Variants in ACOX1 observed in about 807,000 individuals in gnomAD.
The protein encoded by ACOX1 is acyl-CoA oxidase 1.
ACOX1 carries 41 observed loss-of-function variants against 75.5 expected under a neutral mutation model. The observed-to-expected ratio is 0.54, with a 90% confidence interval of 0.42 to 0.70. ACOX1 has a LOEUF of 0.70. Among genes scored for constraint, ACOX1 ranks in the 30% least tolerant of loss-of-function variants. ACOX1 has a pLI of 0.00. For missense variants in ACOX1, 630 were observed against 837.5 expected, an observed-to-expected ratio of 0.75 and a Z score of 3.06; for synonymous variants, 303 against 298.8, an observed-to-expected ratio of 1.01 and a Z score of -0.15.
intron 2 of ACOX1, among the ~76,000 whole-genome samples, chr17:75,965,324 C>A (rs544605890): frequency 2.1e-3 from 233 of 113,424 alleles, no homozygotes; most frequent in Middle Eastern, 6.8e-3. Flanking sequence ...GGCGACAGAG[C>A]GAGACTCTGT....
At chr17:75,977,754 A>G (rs1325374143) in intron 2 of ACOX1, among the ~76,000 whole-genome samples, 1 of 151,840 alleles carries the variant, frequency 6.6e-6, no homozygotes, top group East Asian at 2.0e-4. Context: ...CAGAGGCGTC[A>G]CAGATCATTC....
chr17:75,977,607 G>A (rs2066065476), intron 2 of ACOX1, among the ~76,000 whole-genome samples: 1 of 152,042 alleles, frequency 6.6e-6, no homozygotes. Flanking sequence ...AAAACACATG[G>A]TCTGAAAAAA....
rs567350840 is a variant in ACOX1, at chr17:75,968,917, C to T, written c.270-8542G>A. Among the ~76,000 whole-genome samples, 14 of 122,078 alleles carry T rather than the reference C, an allele frequency of 1.1e-4. No homozygotes were observed. The South Asian group carries it at 2.1e-3, about 18-fold the overall frequency. The allele number at this position is 122,078 out of a possible 152,430, so 80.1% of individuals were successfully genotyped here. On this transcript the variant is annotated intron_variant, in intron 2 of 13. Coordinates refer to ENST00000293217, the MANE Select transcript of ACOX1 (RefSeq NM_004035.7). ...AGCCTGAGCAACAAGAGCAAAACTC[C>T]GTCTCAAAAAAAAAAAAAAAGAAAT...
In ACOX1 at chr17:75,960,364, C is replaced by T. The variant is rs372320683; in HGVS notation, c.281G>A (p.Arg94Gln). The change falls in exon 3 of 14, where the codon CGA (arginine) becomes CAA (glutamine). Residue 94 changes from arginine (R) to glutamine (Q), a missense_variant. Coordinates refer to ENST00000293217, the MANE Select transcript of ACOX1 (RefSeq NM_004035.7). This position sits in a 1 kb window ranked among gnomAD's most constrained non-coding sequence, Gnocchi z 4.4. ...AAGATCCAGAGGCTCAGGCCGCCCT[C>T]GGTGCACAAAACTTCGAGGAAATAT... Reference protein sequence around the residue: ...EIMWFKNFVHRGRPEPLDLHL... With the variant: ...EIMWFKNFVHQGRPEPLDLHL... 2.3e-5 allele frequency: 37 copies of T among 1,613,696 alleles called. No individual in the cohort carries two copies. The highest frequency in any genetic ancestry group is 1.6e-4 in the Middle Eastern group (1 of 6,084).
At chr17:75,956,983 A>C (rs1169819979) in intron 4 of ACOX1, among the ~76,000 whole-genome samples, 118 of 35,524 alleles carry the variant, frequency 3.3e-3, no homozygotes, top group Non-Finnish European at 5.8e-3. Flanking sequence ...ATATATATAT[A>C]TATATATATA....
intron 13 of ACOX1, 107 bp downstream of exon 13, chr17:75,948,144 C>A: frequency 8.8e-7 from 1 of 1,141,974 alleles, no homozygotes; most frequent in South Asian, 1.3e-5. Flanking sequence ...CAGAAGTGGC[C>A]ATGGTACTTT....
chr17:75,967,978 A>T (rs2065954738), intron 2 of ACOX1, among the ~76,000 whole-genome samples: 1 of 150,392 alleles, frequency 6.6e-6, no homozygotes, highest in Non-Finnish European at 1.5e-5. Context: ...ATCTCAAGTG[A>T]TCCACCCACT....
intron 2 of ACOX1, among the ~76,000 whole-genome samples, chr17:75,977,224 G>A (rs1316467543): frequency 6.6e-6 from 1 of 151,552 alleles, no homozygotes; most frequent in African/African-American, 2.4e-5. Context: ...TCGAGCTCCT[G>A]GCCTCAAGTG....
Position 75,943,884 on chromosome 17 carries a change from A to T in ACOX1, c.*2864T>A, listed in dbSNP as rs760952630. ...TTGTATTTGGTTGAGAGTACTTTTTAAAAAAAGGCTTAAATCAATATTATC... is the reference window on the plus strand; with the variant it reads ...TTGTATTTGGTTGAGAGTACTTTTTTAAAAAAGGCTTAAATCAATATTATC... On this transcript the variant is annotated 3_prime_UTR_variant, in exon 14 of 14. Transcript: ENST00000293217. 5.9e-5 allele frequency: 9 copies of T among 152,156 alleles called. No homozygotes were observed. The highest frequency in any genetic ancestry group is 2.1e-4 in the South Asian group (1 of 4,832). 9.4% of individuals were successfully genotyped at this position (152,156 alleles called of 1,614,324 possible).
chr17:75,951,061 G>A, intron 8 of ACOX1, 97 bp from the exon 9 acceptor site: 2 of 1,286,402 alleles, frequency 1.6e-6, no homozygotes. Flanking sequence ...CTTGGCCACT[G>A]TCAAAACACA....
At chr17:75,962,597 C>T (rs375406794) in intron 2 of ACOX1, among the ~76,000 whole-genome samples, 2 of 152,138 alleles carry the variant, frequency 1.3e-5, no homozygotes, top group South Asian at 4.1e-4. Context: ...ACTGCTCAGA[C>T]AAGTGCTAAT....
rs1229867011 is a variant in ACOX1 at position 75,957,006 on chromosome 17, T to TAC, written c.538+452_538+453insGT. 5.0e-4 allele frequency among the ~76,000 whole-genome samples: 53 copies of TAC among 105,620 alleles called. 3 individuals are homozygous for TAC. The highest frequency in any genetic ancestry group is 1.8e-3 in the African/African-American group (48 of 26,224). 69.3% of individuals were successfully genotyped at this position (105,620 alleles called of 152,430 possible). A position where few individuals can be genotyped will look rare whatever the true frequency, so the allele number is the denominator to read the frequency against. On this transcript the variant is annotated intron_variant, in intron 4 of 13. Transcript: ENST00000293217. ...ATATATATATATATATATATATATA[T>TAC]ATACACACACACACCTCTCTCTGTC...
Position 75,948,371 on chromosome 17 carries a change from A to G in ACOX1, c.1815T>C (p.Ala605=), listed in dbSNP as rs765053377. The G allele has an allele frequency of 1.2e-6, 2 of 1,614,184 alleles. No homozygotes were observed. Among genetic ancestry groups the G allele is most frequent in the Non-Finnish European group, 1.7e-6 (2 of 1,180,026 alleles). The stretch of plus-strand genomic sequence containing the variant: ...CCTGAAAATCAAATGCATCAACCAA[A>G]GCAACAGCATCTGAGCGAATCAGAG... ...LLTLIRSDAV[A]LVDAFDFQDV... The change falls in exon 13 of 14, where the codon GCT becomes GCC. Residue 605 remains alanine, a synonymous_variant. Transcript: ENST00000293217.
rs191031491 is a variant in ACOX1 at position 75,946,267 on chromosome 17, C to T, written c.*481G>A. 1.8e-4 allele frequency: 33 copies of T among 183,448 alleles called. No individual in the cohort carries two copies. Among genetic ancestry groups the T allele is most frequent in the Non-Finnish European group, 3.0e-4 (26 of 86,614 alleles). The allele number at this position is 183,448 out of a possible 1,614,324, so 11.4% of individuals were successfully genotyped here. A position where few individuals can be genotyped will look rare whatever the true frequency, so the allele number is the denominator to read the frequency against. Reference sequence around the variant, plus strand: ...CAAGTTTTCCAATAAGTTTCCTTCCCCCAGTCCCTTTTCTTCAATCCTGCT... The same window carrying T: ...CAAGTTTTCCAATAAGTTTCCTTCCTCCAGTCCCTTTTCTTCAATCCTGCT... On this transcript the variant is annotated 3_prime_UTR_variant, in exon 14 of 14. Transcript: ENST00000293217.
At chr17:75,947,686 T>TTGTGTGTG (rs139373608) in intron 13 of ACOX1, among the ~76,000 whole-genome samples, 1 of 149,452 alleles carries the variant, frequency 6.7e-6, no homozygotes, top group Non-Finnish European at 1.5e-5. Flanking sequence ...TTTATTCTAT[T>TTGTGTGTG]TGTGTGTGTG....
intron 4 of ACOX1, 43 bp from the exon 5 acceptor site, chr17:75,955,990 A>G (rs941555251): frequency 6.2e-7 from 1 of 1,613,414 alleles, no homozygotes; most frequent in African/African-American, 1.3e-5. Context: ...GCAAACGTTC[A>G]TACATTTTTA....
At chr17:75,958,807 C>CAAA (rs60077017) in intron 3 of ACOX1, among the ~76,000 whole-genome samples, 3 of 86,372 alleles carry the variant, frequency 3.5e-5, no homozygotes, top group Non-Finnish European at 8.2e-5. Context: ...GACTCCGTCT[C>CAAA]AAAAAAAAAA....
intron 2 of ACOX1, among the ~76,000 whole-genome samples, chr17:75,967,620 A>ATATATATATACATACATATATACG: frequency 1.1e-5 from 1 of 91,924 alleles, no homozygotes; most frequent in East Asian, 2.4e-4. Flanking sequence ...ATATACATAC[A>ATATATATATACATACATATATACG]TATATATATA....
rs764036220 is a variant in ACOX1 at position 75,955,784 on chromosome 17, G to C, written c.658+44C>G. 7 of 1,613,860 alleles carry C rather than the reference G, an allele frequency of 4.3e-6. No homozygotes were observed. In the South Asian group the frequency reaches 6.6e-5, roughly 15 times the overall value. On this transcript the variant is annotated intron_variant, in intron 5 of 13. Transcript: ENST00000293217. The stretch of plus-strand genomic sequence containing the variant: ...CATTCTACCTTTTGCAGAAGAAAGT[G>C]CTCAGTTTCATTTTCATCTCAACAT...
Sources: allele counts gnomAD v4.1 joint callset (sites outside exome capture counted in the v4.1 genomes callset), GRCh38; gene constraint gnomAD v4.1.1; non-coding constraint Gnocchi (gnomAD v3.1); transcripts MANE v1.5; gene names NCBI Gene and HGNC (gene_info 2026-07-23, HGNC 2026-07-21).